The following ROBO1 variants were observed in gnomAD, a reference collection of about 807,000 sequenced individuals.
ROBO1 encodes roundabout guidance receptor 1.
ROBO1 carries 149 observed loss-of-function variants against 195.9 expected under a neutral mutation model. The ratio of observed to expected loss-of-function variants is 0.76; its 90% confidence interval spans 0.67 to 0.87. ROBO1 has a LOEUF of 0.87. Ranked by LOEUF, ROBO1 falls within the 40% of genes least tolerant of loss-of-function variation. The pLI, the probability that ROBO1 is intolerant of heterozygous loss-of-function variation, is 0.00. For synonymous variants in ROBO1, 816 were observed against 733.2 expected (o/e 1.11, Z -1.82); for missense variants, 1,933 against 2,068.3 (o/e 0.93, Z 1.27).
At chr3:79,333,992 C>T (rs2034555285) in intron 2 of ROBO1, among the ~76,000 whole-genome samples, 1 of 152,072 alleles carries the variant, frequency 6.6e-6, no homozygotes, top group Non-Finnish European at 1.5e-5. Context: ...GAGAGGCCTA[C>T]TGGACCCTCT....
intron 21 of ROBO1, among the ~76,000 whole-genome samples, chr3:78,645,891 G>T (rs905525158): frequency 3.3e-5 from 5 of 151,962 alleles, no homozygotes; most frequent in Non-Finnish European, 7.4e-5. Flanking sequence ...TTAATCATTT[G>T]CTAAATCAGC....
At chr3:78,848,267 A>G (rs575853351) in intron 4 of ROBO1, among the ~76,000 whole-genome samples, 4 of 152,320 alleles carry the variant, frequency 2.6e-5, no homozygotes, top group Admixed American at 2.6e-4. Context: ...AACTTCCCTA[A>G]GAAATATTAA....
chr3:79,094,543 A>G (rs1042503536), intron 3 of ROBO1, among the ~76,000 whole-genome samples: 2 of 152,188 alleles, frequency 1.3e-5, no homozygotes, highest in Admixed American at 1.3e-4. Flanking sequence ...TTCATCTTCC[A>G]ATGAAGATTA....
At chr3:79,323,247 A>C (rs2034066158) in intron 2 of ROBO1, among the ~76,000 whole-genome samples, 1 of 151,958 alleles carries the variant, frequency 6.6e-6, no homozygotes, top group African/African-American at 2.4e-5. Flanking sequence ...ACGTCTGGCT[A>C]ATTTTTGTAT....
intron 4 of ROBO1, among the ~76,000 whole-genome samples, chr3:78,752,899 T>C (rs1219171401): frequency 6.6e-6 from 1 of 152,134 alleles, no homozygotes; most frequent in Non-Finnish European, 1.5e-5. Context: ...GTATTTTTCT[T>C]ATATCATGCA....
chr3:78,851,727 T>A lies in ROBO1; in HGVS notation c.499+86874A>T, dbSNP rs1183259322. On this transcript the variant is annotated intron_variant, in intron 4 of 30. Coordinates refer to ENST00000464233, the MANE Select transcript of ROBO1 (RefSeq NM_002941.4). ...AGTAACATTTATTGATCCTCATCAA[T>A]ATAAAGTACAAATAATACAATGAGC... 2.6e-4 allele frequency among the ~76,000 whole-genome samples: 39 copies of A among 152,192 alleles called. 1 individual carries two copies. Among genetic ancestry groups the A allele is most frequent in the Admixed American group, 2.6e-3 (39 of 15,278 alleles).
intron 2 of ROBO1, among the ~76,000 whole-genome samples, chr3:79,146,151 T>G (rs929997689): frequency 2.0e-5 from 3 of 151,960 alleles, no homozygotes; most frequent in African/African-American, 7.2e-5. Flanking sequence ...AGTGTCTGCT[T>G]TAAAAGCAAT....
chr3:78,852,426 C>T (rs1235588014), intron 4 of ROBO1, among the ~76,000 whole-genome samples: 4 of 152,056 alleles, frequency 2.6e-5, no homozygotes, highest in Non-Finnish European at 5.9e-5. Context: ...CTTCCAGTGA[C>T]AAAACTCTTT....
chr3:79,569,263 G>A (rs1483121665), intron 2 of ROBO1, among the ~76,000 whole-genome samples: 1 of 152,026 alleles, frequency 6.6e-6, no homozygotes, highest in African/African-American at 2.4e-5. Context: ...ATTAACACTA[G>A]GACTAACATA....
At chr3:79,128,262 T>C (rs1314448432) in intron 2 of ROBO1, among the ~76,000 whole-genome samples, 5 of 152,106 alleles carry the variant, frequency 3.3e-5, no homozygotes, top group East Asian at 3.9e-4. Context: ...TCAGCTGCAA[T>C]TGGTGAAAGC....
intron 5 of ROBO1, among the ~76,000 whole-genome samples, chr3:78,740,223 C>T (rs2082492853): frequency 6.6e-6 from 1 of 151,624 alleles, no homozygotes; most frequent in African/African-American, 2.4e-5. Flanking sequence ...ATAAGTGTAC[C>T]CTAATGTAAA....
intron 2 of ROBO1, among the ~76,000 whole-genome samples, chr3:79,479,568 T>G (rs143057440): frequency 0.013 from 1,949 of 152,242 alleles, 37 homozygotes; most frequent in African/African-American, 0.043. Context: ...GGCCCAAAGC[T>G]GGTATCTGGA....
At chr3:79,022,300 A>C (rs2078119119) in intron 3 of ROBO1, among the ~76,000 whole-genome samples, 1 of 152,218 alleles carries the variant, frequency 6.6e-6, no homozygotes, top group South Asian at 2.1e-4. Context: ...TAGGGACAAG[A>C]TGCAAATATA....
At chr3:78,689,368 A>T (rs2081119901) in intron 8 of ROBO1, among the ~76,000 whole-genome samples, 1 of 152,194 alleles carries the variant, frequency 6.6e-6, no homozygotes, top group South Asian at 2.1e-4. Context: ...GCTCATCCTG[A>T]CATTATAAAT....
Position 78,627,563 on chromosome 3 carries a change from G to A in ROBO1, c.3633C>T (p.Asp1211=), listed in dbSNP as rs776488969. ...EYNISVDESY[D]QEMPCPVPPA... ...GTGGCACGGGACATGGCATTTCTTG[G>A]TCATAGCTAAAATAAATGATAAGGA... The change falls in exon 26 of 31, where the codon GAC becomes GAT. Residue 1211 remains aspartate, a synonymous_variant. Transcript: ENST00000464233. 9.3e-6 allele frequency: 15 copies of A among 1,610,026 alleles called. No individual in the cohort carries two copies. The South Asian group carries it at 1.2e-4, about 13-fold the overall frequency.
intron 1 of ROBO1, among the ~76,000 whole-genome samples, chr3:79,594,553 A>G (rs1269959404): frequency 6.6e-6 from 1 of 152,052 alleles, no homozygotes; most frequent in Non-Finnish European, 1.5e-5. Flanking sequence ...TGGAAGTAAT[A>G]TAACCAGTGT....
chr3:79,530,635 T>C (rs1941610308), intron 2 of ROBO1, among the ~76,000 whole-genome samples: 1 of 152,130 alleles, frequency 6.6e-6, no homozygotes, highest in Admixed American at 6.6e-5. Flanking sequence ...ATGGCTACTC[T>C]TGTCAAAATT....
At chr3:78,778,672 G>T (rs1387185339) in intron 4 of ROBO1, among the ~76,000 whole-genome samples, 1 of 152,204 alleles carries the variant, frequency 6.6e-6, no homozygotes, top group Non-Finnish European at 1.5e-5. Context: ...AATCAGTATT[G>T]TGAACATGAC....
chr3:78,928,793 A>T (rs1483962785), intron 4 of ROBO1, among the ~76,000 whole-genome samples: 2 of 152,226 alleles, frequency 1.3e-5, no homozygotes, highest in Non-Finnish European at 2.9e-5. Flanking sequence ...GCTGAATTAC[A>T]TAATTAAAAT....
Sources: gnomAD v4.1 joint callset for allele counts (sites outside exome capture counted in the v4.1 genomes callset) on GRCh38, gnomAD v4.1.1 for gene constraint, MANE v1.5 for transcripts, NCBI Gene and HGNC (gene_info 2026-07-23, HGNC 2026-07-21) for gene names.